The following TARS2 variants were observed in gnomAD, a reference collection of about 807,000 sequenced individuals.
The protein encoded by TARS2 is threonine--tRNA ligase, mitochondrial.
A neutral mutation model predicts 94.4 loss-of-function variants in TARS2; 61 were observed. The observed-to-expected ratio is 0.65, with a 90% CI of 0.53 to 0.80. The LOEUF is 0.80. Among genes scored for constraint, TARS2 ranks in the 30% least tolerant of loss-of-function variants. The pLI, the probability that TARS2 is intolerant of heterozygous loss-of-function variation, is 0.00. For synonymous variants in TARS2, 359 were observed against 353.4 expected, an observed-to-expected ratio of 1.02 and a Z score of -0.18; for missense variants, 704 against 902.5, an observed-to-expected ratio of 0.78 and a Z score of 2.82.
intron 7 of TARS2, among the ~76,000 whole-genome samples, chr1:150,493,247 C>T (rs927877151): frequency 1.3e-5 from 2 of 152,002 alleles, no homozygotes; most frequent in African/African-American, 4.8e-5. Context: ...TTTGATGGCA[C>T]ACACTGGACA....
At chr1:150,495,971 C>T (rs587652103) in intron 7 of TARS2, among the ~76,000 whole-genome samples, 18 of 152,228 alleles carry the variant, frequency 1.2e-4, no homozygotes, top group Admixed American at 7.9e-4. Flanking sequence ...CCGCCCGCCT[C>T]GGCCTCCCAA....
At chr1:150,489,203 A>C (rs1570831709) in intron 3 of TARS2, 116 bp downstream of exon 3, 1 of 1,452,508 alleles carries the variant, frequency 6.9e-7, no homozygotes, top group South Asian at 1.2e-5. Flanking sequence ...TGGGAGGGAG[A>C]CCTACCACAG....
Position 150,496,490 on chromosome 1 carries a change from A to G in TARS2, c.783A>G (p.Ser261=), listed in dbSNP as rs1478094389. 6.8e-6 allele frequency: 11 copies of G among 1,612,278 alleles called. No individual in the cohort carries two copies. Among genetic ancestry groups the G allele is most frequent in the Non-Finnish European group, 9.3e-6 (11 of 1,178,952 alleles). The change falls in exon 8 of 18, where the codon TCA becomes TCG. Residue 261 remains serine, a synonymous_variant. Coordinates refer to ENST00000369064, the MANE Select transcript of TARS2 (RefSeq NM_025150.5). ...IGGLKLLSNS[S]SLWRSSGAPE... The stretch of plus-strand genomic sequence containing the variant: ...CCTATGTCCTCACACAGAACTCATC[A>G]TCCTTATGGAGGTCTTCAGGGGCCC...
chr1:150,505,005 C>G lies in TARS2; in HGVS notation c.1893+27C>G, dbSNP rs776236275. On this transcript the variant is annotated intron_variant, in intron 16 of 17. Coordinates refer to ENST00000369064, the MANE Select transcript of TARS2 (RefSeq NM_025150.5). ...TAAGGAGTTGAGGTAAGGGAGGGGG[C>G]AGAAGCAGGTCCAGTAGAGAGTCTG... 10 of 1,612,062 alleles carry G rather than the reference C, an allele frequency of 6.2e-6. No homozygotes were observed. The South Asian group carries it at 1.1e-4, about 18-fold the overall frequency.
rs1669794170 is a variant in TARS2 at position 150,499,027 on chromosome 1, C to T, written c.1532C>T (p.Ala511Val). The T allele has an allele frequency of 8.7e-6, 14 of 1,614,110 alleles. No individual in the cohort carries two copies. Among genetic ancestry groups the T allele is most frequent in the Non-Finnish European group, 1.1e-5 (13 of 1,180,014 alleles). The change falls in exon 12 of 18, where the codon GCC (alanine) becomes GTC (valine). Residue 511 changes from alanine to valine, a missense_variant. Physicochemically the swap from Ala to Val is moderately conservative, Grantham distance 64. Transcript: ENST00000369064. ...GGGGACCCTTGCCTTTGGGACCAGG[C>T]CGAACAGGTGAGTAGGAGGTAGAGA... Reference protein sequence around the residue: ...FLGDPCLWDQAEQVLKQALKE... With the variant: ...FLGDPCLWDQVEQVLKQALKE...
chr1:150,487,571 C>A, intron 1 of TARS2, 55 bp downstream of exon 1: 1 of 1,609,892 alleles, frequency 6.2e-7, no homozygotes, highest in South Asian at 1.1e-5. Context: ...CCAGCCGAAG[C>A]CCCCAAATTT....
At chr1:150,506,493 CA>C (rs1670218857) in intron 17 of TARS2, among the ~76,000 whole-genome samples, 1 of 122,932 alleles carries the variant, frequency 8.1e-6, no homozygotes, top group Non-Finnish European at 2.0e-5. Flanking sequence ...CGCGCACACA[CA>C]CACACACACA....
intron 4 of TARS2, among the ~76,000 whole-genome samples, 158 bp from the exon 5 acceptor site, chr1:150,491,236 T>A (rs1669368647): frequency 6.6e-6 from 1 of 152,248 alleles, no homozygotes; most frequent in Non-Finnish European, 1.5e-5. Flanking sequence ...ATCTGTTACC[T>A]GATATCCTAT....
Position 150,488,945 on chromosome 1 carries a change from C to G in TARS2, c.264-19C>G, listed in dbSNP as rs758927397. 1 of 1,607,464 alleles carries G rather than the reference C, an allele frequency of 6.2e-7. No individual in the cohort carries two copies. Among genetic ancestry groups the G allele is most frequent in the East Asian group, 2.2e-5 (1 of 44,788 alleles). On this transcript the variant is annotated intron_variant, in intron 2 of 17. Coordinates refer to ENST00000369064, the MANE Select transcript of TARS2 (RefSeq NM_025150.5). Reference sequence around the variant, plus strand: ...TGTAACCCTGTCTTTTTCTTCATCCCCACCTTCCACTGCTGAAGTTCAACA... The same window carrying G: ...TGTAACCCTGTCTTTTTCTTCATCCGCACCTTCCACTGCTGAAGTTCAACA...
intron 13 of TARS2, among the ~76,000 whole-genome samples, chr1:150,503,728 T>C (rs1166673794): frequency 2.0e-5 from 3 of 148,486 alleles, no homozygotes; most frequent in Non-Finnish European, 4.5e-5. Flanking sequence ...CACACACACA[T>C]ATACACACAC....
intron 13 of TARS2, among the ~76,000 whole-genome samples, chr1:150,501,838 G>T (rs1669935167): frequency 6.6e-6 from 1 of 150,992 alleles, no homozygotes; most frequent in Admixed American, 6.6e-5. Context: ...TAAATAAAAA[G>T]ATAGAGAAAG....
intron 4 of TARS2, 100 bp from the exon 5 acceptor site, chr1:150,491,294 C>G (rs1237889623): frequency 8.9e-7 from 1 of 1,121,652 alleles, no homozygotes; most frequent in Non-Finnish European, 1.3e-6. Context: ...CTCTAGATTT[C>G]TCTTGAAGGA....
chr1:150,503,970 T>G (rs1670083716), intron 13 of TARS2, among the ~76,000 whole-genome samples: 1 of 147,530 alleles, frequency 6.8e-6, no homozygotes, highest in Non-Finnish European at 1.5e-5. Context: ...CAGAGTAGGG[T>G]GTCTGATGGA....
chr1:150,500,849 T>G (rs1669881957), intron 13 of TARS2, among the ~76,000 whole-genome samples: 1 of 151,730 alleles, frequency 6.6e-6, no homozygotes, highest in Non-Finnish European at 1.5e-5. Context: ...AAATGAAAAA[T>G]AAAATAAATG....
chr1:150,505,514 G>A, intron 16 of TARS2, 77 bp from the exon 17 acceptor site: 1 of 1,300,086 alleles, frequency 7.7e-7, no homozygotes, highest in Non-Finnish European at 1.1e-6. Flanking sequence ...GGGGCATTGA[G>A]GGAAAAGAGC....
chr1:150,503,575 G>GTATATA lies in TARS2; in HGVS notation c.1618-759_1618-758insATATAT, dbSNP rs1182556922. Among the ~76,000 whole-genome samples, 542 of 138,028 alleles carry GTATATA rather than the reference G, an allele frequency of 3.9e-3. 8 individuals are homozygous for GTATATA. Among genetic ancestry groups the GTATATA allele is most frequent in the African/African-American group, 0.014 (485 of 33,866 alleles). 90.6% of individuals were successfully genotyped at this position (138,028 alleles called of 152,430 possible). On this transcript the variant is annotated intron_variant, in intron 13 of 17. Transcript: ENST00000369064. Reference sequence around the variant, plus strand: ...TGTGTGTGTGTGTGTGTGTGTGTGTGTGTATATATATGTGTGTGTGTGTGT... The same window carrying GTATATA: ...TGTGTGTGTGTGTGTGTGTGTGTGTGTATATATGTATATATATGTGTGTGTGTGTGT...
At chr1:150,506,863 T>C (rs1482605565) in intron 17 of TARS2, 53 bp from the exon 18 acceptor site, 3 of 1,607,516 alleles carry the variant, frequency 1.9e-6, no homozygotes, top group Non-Finnish European at 2.6e-6. Context: ...CAAAAGAAAC[T>C]GTTCCATGTG....
chr1:150,501,990 GCAA>G lies in TARS2; in HGVS notation c.1618-2343_1618-2341del, dbSNP rs587683968. Among the ~76,000 whole-genome samples the G allele has an allele frequency of 8.4e-3, 1,279 of 151,854 alleles. 25 individuals are homozygous for G. Among genetic ancestry groups the G allele is most frequent in the African/African-American group, 0.03 (1,227 of 41,400 alleles). On this transcript the variant is annotated intron_variant, in intron 13 of 17. Transcript: ENST00000369064. ...TGCAGTGGCGCAATCTCGGCTCACT[GCAA>G]CCTCTGCCTGCCAGGTTCAAGCGAT...
At chr1:150,498,417 AAGT>A in intron 10 of TARS2, 82 bp from the exon 11 acceptor site, 2 of 1,479,052 alleles carry the variant, frequency 1.4e-6, no homozygotes, top group East Asian at 4.7e-5. Context: ...GGTGCAGAGA[AAGT>A]AGGCAAGCAG....
Sources: allele counts gnomAD v4.1 joint callset (sites outside exome capture counted in the v4.1 genomes callset), GRCh38; gene constraint gnomAD v4.1.1; transcripts MANE v1.5; gene names NCBI Gene and HGNC (gene_info 2026-07-23, HGNC 2026-07-21).